The following TOX variants were observed in gnomAD, a reference collection of about 807,000 sequenced individuals.
The protein encoded by TOX is thymocyte selection-associated high mobility group box protein TOX.
TOX carries 11 observed loss-of-function variants against 53.7 expected under a neutral mutation model. The observed-to-expected ratio is 0.20, with a 90% confidence interval of 0.13 to 0.34. The LOEUF is 0.34. Ranked by LOEUF, TOX falls within the 10% of genes least tolerant of loss-of-function variation. TOX has a pLI of 1.00. For missense variants in TOX, 570 were observed against 664.6 expected (o/e 0.86, Z 1.56); for synonymous variants, 225 against 245.3 (o/e 0.92, Z 0.77).
intron 1 of TOX, among the ~76,000 whole-genome samples, chr8:59,113,593 G>A (rs555395770): frequency 5.4e-4 from 82 of 152,278 alleles, no homozygotes; most frequent in African/African-American, 1.8e-3. Flanking sequence ...CCAGGCAGCC[G>A]AGGCAACCAC....
chr8:58,874,226 AT>A (rs1196859171), intron 3 of TOX, among the ~76,000 whole-genome samples: 5 of 151,136 alleles, frequency 3.3e-5, no homozygotes, highest in Admixed American at 6.6e-5. Flanking sequence ...CCTTTGGTAG[AT>A]TTTTTTAAAA....
At chr8:58,835,065 T>C (rs1199411873) in intron 5 of TOX, among the ~76,000 whole-genome samples, 1 of 152,204 alleles carries the variant, frequency 6.6e-6, no homozygotes, top group Non-Finnish European at 1.5e-5. Context: ...CTCTCAATCT[T>C]GGCATAATTG....
At chr8:58,871,484 C>T (rs2726554) in intron 3 of TOX, among the ~76,000 whole-genome samples, 91,474 of 152,020 alleles carry the variant, frequency 0.6, 28,601 homozygotes, top group African/African-American at 0.79. Context: ...GTATTGCAAA[C>T]ATATGAAACA....
chr8:58,988,553 A>G (rs920472085), intron 1 of TOX, among the ~76,000 whole-genome samples: 1 of 152,360 alleles, frequency 6.6e-6, no homozygotes, highest in Non-Finnish European at 1.5e-5. Flanking sequence ...AACAAGTCAC[A>G]TTTGTTAATC....
intron 1 of TOX, among the ~76,000 whole-genome samples, chr8:58,968,320 C>T (rs1358607647): frequency 3.3e-5 from 5 of 152,194 alleles, no homozygotes; most frequent in South Asian, 2.1e-4. Context: ...GCAAAGACTT[C>T]GGCTTCTTTG....
At chr8:58,877,320 G>T (rs1167377378) in intron 3 of TOX, among the ~76,000 whole-genome samples, 2 of 152,078 alleles carry the variant, frequency 1.3e-5, no homozygotes, top group African/African-American at 4.8e-5. Context: ...ATTTAAAATA[G>T]CTATGGAACA....
At chr8:59,116,330 T>C (rs1367868994) in intron 1 of TOX, among the ~76,000 whole-genome samples, 1 of 152,246 alleles carries the variant, frequency 6.6e-6, no homozygotes, top group East Asian at 1.9e-4. Flanking sequence ...TGCAGTATTG[T>C]TCTTTTGGGG....
chr8:58,910,174 C>G (rs1811885873), intron 3 of TOX, among the ~76,000 whole-genome samples: 1 of 152,100 alleles, frequency 6.6e-6, no homozygotes, highest in Non-Finnish European at 1.5e-5. Context: ...GTCTAGGAAT[C>G]CATATGCAAA....
intron 1 of TOX, among the ~76,000 whole-genome samples, chr8:59,079,358 C>A (rs555619311): frequency 6.6e-6 from 1 of 152,238 alleles, no homozygotes; most frequent in East Asian, 1.9e-4. Flanking sequence ...TCCCAGCAGC[C>A]CCTCCCATCA....
intron 3 of TOX, among the ~76,000 whole-genome samples, chr8:58,896,341 T>G (rs551104137): frequency 2.6e-5 from 4 of 152,242 alleles, no homozygotes; most frequent in African/African-American, 7.2e-5. Context: ...AATGTGTCAT[T>G]CCTTGAGCTG....
intron 1 of TOX, among the ~76,000 whole-genome samples, chr8:58,984,347 G>C (rs1813283048): frequency 6.6e-6 from 1 of 152,092 alleles, no homozygotes. Flanking sequence ...TAGAAAATGG[G>C]TAAAGACCTT....
intron 1 of TOX, among the ~76,000 whole-genome samples, chr8:59,058,852 T>C (rs1277518401): frequency 1.3e-5 from 2 of 152,134 alleles, no homozygotes; most frequent in Non-Finnish European, 2.9e-5. Flanking sequence ...AAAATATCTA[T>C]TAAAAGGTCA....
At chr8:58,869,696 G>T (rs1360261803) in intron 3 of TOX, among the ~76,000 whole-genome samples, 1 of 151,950 alleles carries the variant, frequency 6.6e-6, no homozygotes, top group East Asian at 1.9e-4. Context: ...AGATATACAA[G>T]GTTAAAGTTC....
At chr8:59,104,116 AG>A (rs1464474553) in intron 1 of TOX, among the ~76,000 whole-genome samples, 15 of 152,232 alleles carry the variant, frequency 9.9e-5, no homozygotes, top group Non-Finnish European at 2.2e-4. Context: ...GAGTCCGCCC[AG>A]GGAAGTCCTC....
At chr8:58,844,865 G>A (rs1261387180) in intron 4 of TOX, among the ~76,000 whole-genome samples, 1 of 152,070 alleles carries the variant, frequency 6.6e-6, no homozygotes, top group East Asian at 1.9e-4. Context: ...CGTGCTTCAT[G>A]TAACTTACTC....
chr8:58,959,217 T>A (rs781100291), intron 2 of TOX, among the ~76,000 whole-genome samples: 33 of 152,212 alleles, frequency 2.2e-4, no homozygotes, highest in Non-Finnish European at 4.3e-4. Context: ...TATACTGGTA[T>A]CCAAGGGCAG....
chr8:58,825,949 A>G (rs141050769), intron 6 of TOX, among the ~76,000 whole-genome samples: 3 of 152,232 alleles, frequency 2.0e-5, no homozygotes, highest in African/African-American at 4.8e-5. Flanking sequence ...GAAGTAGAAC[A>G]TAAGACTGGA....
intron 1 of TOX, among the ~76,000 whole-genome samples, chr8:59,032,460 T>C (rs767371350): frequency 2.6e-5 from 4 of 152,344 alleles, no homozygotes; most frequent in Admixed American, 6.5e-5. Flanking sequence ...AGCTCCTTCT[T>C]TGCAGTCTTC....
intron 4 of TOX, among the ~76,000 whole-genome samples, chr8:58,843,074 T>C (rs1810671125): frequency 6.6e-6 from 1 of 152,246 alleles, no homozygotes; most frequent in South Asian, 2.1e-4. Flanking sequence ...AAAGCTATGG[T>C]GTTGCCCCCA....
Sources: gnomAD v4.1 joint callset for allele counts (sites outside exome capture counted in the v4.1 genomes callset) on GRCh38, gnomAD v4.1.1 for gene constraint, MANE v1.5 for transcripts, NCBI Gene and HGNC (gene_info 2026-07-23, HGNC 2026-07-21) for gene names.